The following FAM221A variants were observed in gnomAD, a reference collection of about 807,000 sequenced individuals.
FAM221A encodes the protein family with sequence similarity 221 member A, also known as protein FAM221A.
FAM221A carries 43 observed loss-of-function variants against 37.6 expected under a neutral mutation model. That is an observed-to-expected ratio of 1.15 (90% confidence interval 0.90 to 1.48). FAM221A has a LOEUF of 1.48. FAM221A is among the 40% of genes most tolerant of loss of function. FAM221A has a pLI of 0.00. For missense variants in FAM221A, 361 were observed against 361.5 expected (o/e 1.00, Z 0.01); for synonymous variants, 135 against 132.9 (o/e 1.02, Z -0.11).
chr7:23,699,695 C>T (rs537781285), intron 5 of FAM221A, among the ~76,000 whole-genome samples: 277 of 151,882 alleles, frequency 1.8e-3, no homozygotes, highest in African/African-American at 6.3e-3. Context: ...GGATGCACCA[C>T]CATGTCCAGC....
At position 23,680,240 on chromosome 7, in the gene FAM221A, C is replaced by G. The variant is rs1158479485; in HGVS notation, c.22C>G (p.Leu8Val). 4 of 1,549,456 alleles carry G rather than the reference C, an allele frequency of 2.6e-6. No individual in the cohort carries two copies. Among genetic ancestry groups the G allele is most frequent in the African/African-American group, 2.7e-5 (2 of 72,754 alleles). The change falls in exon 1 of 7, where the codon CTC becomes GTC. Residue 8 changes from leucine (L) to valine (V), a missense_variant. By Grantham distance (32) the Leu-to-Val change is conservative. Coordinates refer to ENST00000344962, the MANE Select transcript of FAM221A (RefSeq NM_199136.5). MERLTLP[L>V]GGAAAVDEYL... ...GGCAATGGAGCGGTTGACGTTGCCT[C>G]TCGGCGGCGCGGCGGCGGTGGACGA... is the stretch of plus-strand genomic sequence containing the variant.
intron 5 of FAM221A, 146 bp from the exon 6 acceptor site, chr7:23,700,640 G>A: frequency 1.8e-6 from 1 of 556,144 alleles, no homozygotes; most frequent in East Asian, 2.9e-5. Context: ...AAGAGAATGA[G>A]GTAGTAGGAC....
At chr7:23,683,622 C>A (rs1313459803) in intron 1 of FAM221A, among the ~76,000 whole-genome samples, 1 of 152,134 alleles carries the variant, frequency 6.6e-6, no homozygotes, top group African/African-American at 2.4e-5. Flanking sequence ...TGTTGATAAA[C>A]CTGGATCAGT....
chr7:23,680,245 C>A lies in FAM221A; in HGVS notation c.27C>A (p.Gly9=). 3 of 1,549,070 alleles carry A rather than the reference C, an allele frequency of 1.9e-6. No homozygotes were observed. Among genetic ancestry groups the A allele is most frequent in the Non-Finnish European group, 2.6e-6 (3 of 1,145,970 alleles). ...TGGAGCGGTTGACGTTGCCTCTCGGCGGCGCGGCGGCGGTGGACGAGTACC... is the reference window on the plus strand; with the variant it reads ...TGGAGCGGTTGACGTTGCCTCTCGGAGGCGCGGCGGCGGTGGACGAGTACC... MERLTLPL[G]GAAAVDEYLE... The change falls in exon 1 of 7, where the codon GGC becomes GGA. Residue 9 remains glycine, a synonymous_variant. Coordinates refer to ENST00000344962, the MANE Select transcript of FAM221A (RefSeq NM_199136.5).
intron 3 of FAM221A, among the ~76,000 whole-genome samples, chr7:23,690,199 A>ATATTTTTTTT (rs774313037): frequency 6.2e-5 from 3 of 48,738 alleles, no homozygotes; most frequent in East Asian, 8.5e-4. Flanking sequence ...ATATATATAT[A>ATATTTTTTTT]TTTTTTTTTT....
intron 5 of FAM221A, among the ~76,000 whole-genome samples, chr7:23,699,131 T>C (rs1785240262): frequency 6.6e-6 from 1 of 151,434 alleles, no homozygotes; most frequent in South Asian, 2.1e-4. Context: ...TTTTTTTTTT[T>C]TTTTGAGACA....
In FAM221A at chr7:23,693,503, T is replaced by C. The variant is rs923422630; in HGVS notation, c.637+1907T>C. ...TTTGTTTTTATCTTTTGTCATTGAC[T>C]TATAGGAAGTCTTTTTATATATTCT... On this transcript the variant is annotated intron_variant, in intron 4 of 6. Coordinates refer to ENST00000344962, the MANE Select transcript of FAM221A (RefSeq NM_199136.5). 8 of 152,078 alleles carry C rather than the reference T, an allele frequency of 5.3e-5. No homozygotes were observed. The South Asian group carries it at 1.7e-3, about 31-fold the overall frequency. The allele number at this position is 152,078 out of a possible 1,614,324, so 9.4% of individuals were successfully genotyped here. A position where few individuals can be genotyped will look rare whatever the true frequency, so the allele number is the denominator to read the frequency against.
rs1015167703 is a variant in FAM221A, at chr7:23,692,635, C to T, written c.637+1039C>T. ...GGGATTACAGGCTTCAGCCACCACG[C>T]CAGGCCCATACGAGTATATATTTTC... On this transcript the variant is annotated intron_variant, in intron 4 of 6. Coordinates refer to ENST00000344962, the MANE Select transcript of FAM221A (RefSeq NM_199136.5). The T allele has an allele frequency of 1.4e-5, 14 of 984,082 alleles. No homozygotes were observed. The African/African-American group carries it at 2.3e-4, about 16-fold the overall frequency. The allele number at this position is 984,082 out of a possible 1,614,324, so 61.0% of individuals were successfully genotyped here. A position where few individuals can be genotyped will look rare whatever the true frequency, so the allele number is the denominator to read the frequency against.
intron 6 of FAM221A, among the ~76,000 whole-genome samples, chr7:23,701,490 C>T (rs552913312): frequency 3.4e-4 from 51 of 152,202 alleles, no homozygotes; most frequent in Non-Finnish European, 5.6e-4. Context: ...CCACCCGCCT[C>T]GGCCTCGCAA....
Position 23,680,230 on chromosome 7 carries a change from G to A in FAM221A, c.12G>A (p.Leu4=). ...CTTCCCCACCGGCAATGGAGCGGTT[G>A]ACGTTGCCTCTCGGCGGCGCGGCGG... The part of the protein sequence containing the change: MER[L]TLPLGGAAAV... Residue 4 remains leucine (L), a synonymous_variant, in exon 1 of 7, where the codon TTG becomes TTA. Coordinates refer to ENST00000344962, the MANE Select transcript of FAM221A (RefSeq NM_199136.5). 2 of 1,549,902 alleles carry A rather than the reference G, an allele frequency of 1.3e-6. No individual in the cohort carries two copies. Among genetic ancestry groups the A allele is most frequent in the Non-Finnish European group, 1.7e-6 (2 of 1,146,168 alleles).
chr7:23,695,424 C>T (rs1784993630), intron 4 of FAM221A, among the ~76,000 whole-genome samples: 1 of 152,114 alleles, frequency 6.6e-6, no homozygotes, highest in African/African-American at 2.4e-5. Flanking sequence ...TGCTCTGTCT[C>T]CCAGGCTGGA....
intron 4 of FAM221A, chr7:23,692,347 T>C: frequency 2.4e-6 from 1 of 419,980 alleles, no homozygotes; most frequent in Non-Finnish European, 3.2e-6. Context: ...TTTCTTTTCT[T>C]TTTTTTTTTT....
chr7:23,695,328 G>A (rs1784987554), intron 4 of FAM221A, among the ~76,000 whole-genome samples: 1 of 152,054 alleles, frequency 6.6e-6, no homozygotes, highest in African/African-American at 2.4e-5. Context: ...GCAACTAAGT[G>A]GAATTCTGAA....
intron 3 of FAM221A, among the ~76,000 whole-genome samples, chr7:23,690,411 G>A (rs1413199098): frequency 1.3e-5 from 2 of 151,504 alleles, no homozygotes; most frequent in Non-Finnish European, 2.9e-5. Flanking sequence ...TGCCATGTTG[G>A]TCAGGCTGTT....
At chr7:23,686,415 C>G in intron 2 of FAM221A, 1 of 307,442 alleles carries the variant, frequency 3.3e-6, no homozygotes, top group Non-Finnish European at 6.4e-6. Flanking sequence ...AGGCGTCTGC[C>G]ACCACATCCA....
chr7:23,700,933 A>G, intron 6 of FAM221A, 65 bp downstream of exon 6: 1 of 1,029,382 alleles, frequency 9.7e-7, no homozygotes, highest in East Asian at 2.4e-5. Context: ...TAGAATGATT[A>G]TACATTGAAT....
At chr7:23,688,197 ACC>A (rs1278119636) in intron 2 of FAM221A, 1 of 152,066 alleles carries the variant, frequency 6.6e-6, no homozygotes, top group African/African-American at 2.4e-5. Flanking sequence ...GGTGCCCACC[ACC>A]ACGCTCGGCT....
intron 4 of FAM221A, among the ~76,000 whole-genome samples, chr7:23,695,929 G>A (rs964168243): frequency 6.6e-6 from 1 of 152,138 alleles, no homozygotes; most frequent in Admixed American, 6.5e-5. Flanking sequence ...AAATAATGGT[G>A]GTAGCTGGCA....
intron 6 of FAM221A, among the ~76,000 whole-genome samples, chr7:23,701,519 A>G (rs538207903): frequency 7.2e-5 from 11 of 152,140 alleles, no homozygotes; most frequent in African/African-American, 2.2e-4. Context: ...GATTACAGGC[A>G]TGAGCCACCG....
Sources: gnomAD v4.1 joint callset for allele counts (sites outside exome capture counted in the v4.1 genomes callset) on GRCh38, gnomAD v4.1.1 for gene constraint, MANE v1.5 for transcripts, NCBI Gene and HGNC (gene_info 2026-07-23, HGNC 2026-07-21) for gene names.